Variants in PARVB observed in about 807,000 individuals in gnomAD.
PARVB encodes parvin beta.
In PARVB, 46 loss-of-function variants were observed where a neutral mutation model predicts 47.0. The observed-to-expected ratio is 0.98, with a 90% CI of 0.77 to 1.25. The LOEUF is 1.25. Ranked by LOEUF, PARVB falls within the 50% of genes most tolerant of loss-of-function variation. The probability of loss-of-function intolerance (pLI) is 0.00; values close to 1 mark genes in which losing one functional copy is unlikely to be tolerated. For missense variants in PARVB, 473 were observed against 471.6 expected, an observed-to-expected ratio of 1.00 and a Z score of -0.03; for synonymous variants, 196 against 196.3, an observed-to-expected ratio of 1.00 and a Z score of 0.01.
intron 12 of PARVB, among the ~76,000 whole-genome samples, chr22:44,167,541 C>T (rs1033089024): frequency 1.3e-5 from 2 of 152,016 alleles, no homozygotes; most frequent in Admixed American, 6.5e-5. Context: ...TGGCCCCCAC[C>T]CCTGGGAGCT....
chr22:44,089,305 C>G lies in PARVB; in HGVS notation c.113-4623C>G. 1 of 152,234 alleles carries G rather than the reference C, an allele frequency of 6.6e-6. No homozygotes were observed. 9.4% of individuals were successfully genotyped at this position (152,234 alleles called of 1,614,324 possible). ...AGAACAATGCAGACACTTAGGAAAA[C>G]AAGCACAAGGCGGTCTTTTTCCCTT... is the stretch of plus-strand genomic sequence containing the variant. On this transcript the variant is annotated intron_variant, in intron 1 of 12. Coordinates refer to ENST00000338758, the MANE Select transcript of PARVB (RefSeq NM_013327.5). The surrounding 1 kb of genome is among the most constrained non-coding windows in gnomAD (Gnocchi z 4.0).
At chr22:44,116,566 C>A (rs1328461056) in intron 3 of PARVB, among the ~76,000 whole-genome samples, 2 of 152,242 alleles carry the variant, frequency 1.3e-5, no homozygotes, top group Non-Finnish European at 2.9e-5. Flanking sequence ...CACATCCTTA[C>A]AGAGCTCTGG....
rs2146934303 is a variant in PARVB at position 44,049,114 on chromosome 22, C to T, written c.112+24663C>T. ...GGCTGGTGCCCTCTGTCCTGTGCCA[C>T]TTCCCCTGCAAAATGAGATGAAAAT... On this transcript the variant is annotated intron_variant, in intron 1 of 12. Transcript: ENST00000338758. The surrounding 1 kb of genome is among the most constrained non-coding windows in gnomAD (Gnocchi z 4.0). Among the ~76,000 whole-genome samples, 1 of 152,286 alleles carries T rather than the reference C, an allele frequency of 6.6e-6. No homozygotes were observed. The highest frequency in any genetic ancestry group is 1.5e-5 in the Non-Finnish European group (1 of 68,028).
chr22:44,041,627 T>C (rs1221912324), intron 1 of PARVB, among the ~76,000 whole-genome samples: 1 of 152,234 alleles, frequency 6.6e-6, no homozygotes, highest in Non-Finnish European at 1.5e-5. Flanking sequence ...TTCACGCCTG[T>C]AATCTCAGCA....
upstream of PARVB, among the ~76,000 whole-genome samples, chr22:44,019,813 TC>T (rs1603423459): frequency 2.0e-5 from 3 of 152,126 alleles, no homozygotes; most frequent in African/African-American, 7.2e-5. Flanking sequence ...CAGGCCCGAC[TC>T]CCAACACGGG....
intron 2 of PARVB, among the ~76,000 whole-genome samples, chr22:44,003,763 A>G (rs972692690): frequency 3.3e-5 from 5 of 152,202 alleles, no homozygotes; most frequent in African/African-American, 9.6e-5. Flanking sequence ...TTCCTCCAAC[A>G]TGGACATTGG....
rs1260733481 is a variant in PARVB, at chr22:44,147,844, T to C, written c.713-17T>C. ...TTCCATAAACGCTCCTTCGTGTCTCTCTTTGCATGTCCTCAGAGCGGGATG... is the reference window on the plus strand; with the variant it reads ...TTCCATAAACGCTCCTTCGTGTCTCCCTTTGCATGTCCTCAGAGCGGGATG... On this transcript the variant is annotated splice_polypyrimidine_tract_variant and intron_variant, in intron 8 of 12. Transcript: ENST00000338758. 2 of 1,612,994 alleles carry C rather than the reference T, an allele frequency of 1.2e-6. No individual in the cohort carries two copies. Among genetic ancestry groups the C allele is most frequent in the South Asian group, 1.1e-5 (1 of 91,064 alleles).
At chr22:44,112,621 C>T (rs956907504) in intron 3 of PARVB, 1 of 152,926 alleles carries the variant, frequency 6.5e-6, no homozygotes, top group South Asian at 2.1e-4. Context: ...CTCACTGCAT[C>T]CTTGACCTCC....
intron 1 of PARVB, among the ~76,000 whole-genome samples, chr22:44,076,316 C>T (rs1028070733): frequency 6.6e-6 from 1 of 152,238 alleles, no homozygotes; most frequent in Non-Finnish European, 1.5e-5. Flanking sequence ...AGGGCGGCCA[C>T]CCGCAGCCCT....
At chr22:44,107,418 A>G (rs979518747) in intron 3 of PARVB, 6 of 152,266 alleles carry the variant, frequency 3.9e-5, no homozygotes, top group African/African-American at 1.4e-4. Flanking sequence ...GGAGAAACCT[A>G]GACCTGGCCT....
intron 3 of PARVB, 65 bp downstream of exon 3, chr22:44,100,188 G>A: frequency 1.5e-6 from 2 of 1,294,378 alleles, no homozygotes; most frequent in South Asian, 1.2e-5. Context: ...GGGGTTCAGG[G>A]CTCTCATGGA....
chr22:44,132,873 C>G, intron 5 of PARVB, 21 bp from the exon 6 acceptor site: 2 of 1,557,908 alleles, frequency 1.3e-6, no homozygotes, highest in Non-Finnish European at 1.8e-6. Flanking sequence ...AAAGCGTCTC[C>G]CTTCCTCCTT....
intron 4 of PARVB, among the ~76,000 whole-genome samples, chr22:44,128,941 G>A (rs1392932130): frequency 6.6e-6 from 1 of 152,176 alleles, no homozygotes; most frequent in Admixed American, 6.5e-5. Flanking sequence ...ACCTGGGCGT[G>A]GTGGCACATG....
intron 3 of PARVB, among the ~76,000 whole-genome samples, chr22:44,118,510 G>A (rs748424010): frequency 1.3e-5 from 2 of 152,206 alleles, no homozygotes; most frequent in African/African-American, 2.4e-5. Flanking sequence ...TTGCTGTCCT[G>A]GGTTAGGGTG....
rs560440690 is a variant in PARVB, at chr22:44,069,555, T to C, written c.113-24373T>C. On this transcript the variant is annotated intron_variant, in intron 1 of 12. Transcript: ENST00000338758. ...TTTTTTTTTTCTCTCTGAGATGGAG[T>C]CTTGCTCTTGTCACCCAGGCTGGAG... 9.2e-4 allele frequency among the ~76,000 whole-genome samples: 139 copies of C among 151,238 alleles called. 1 individual carries two copies. Among genetic ancestry groups the C allele is most frequent in the Non-Finnish European group, 1.1e-3 (72 of 67,838 alleles).
chr22:44,081,652 C>G (rs1247111191), intron 1 of PARVB: 7 of 983,582 alleles, frequency 7.1e-6, no homozygotes, highest in Non-Finnish European at 6.0e-6. Flanking sequence ...CTGGCAGTCT[C>G]ATGGGGCTCG....
intron 4 of PARVB, among the ~76,000 whole-genome samples, chr22:44,130,497 A>T (rs1227686057): frequency 6.6e-6 from 1 of 152,196 alleles, no homozygotes; most frequent in Non-Finnish European, 1.5e-5. Flanking sequence ...GAAATGTGAC[A>T]GTTCTTGTCT....
intron 7 of PARVB, 46 bp downstream of exon 7, chr22:44,136,564 T>A: frequency 6.5e-7 from 1 of 1,531,796 alleles, no homozygotes; most frequent in Non-Finnish European, 9.0e-7. Flanking sequence ...CTGCCCCGAG[T>A]GAGTGGGACC....
intron 4 of PARVB, among the ~76,000 whole-genome samples, chr22:44,127,534 C>T (rs565911881): frequency 1.3e-5 from 2 of 152,160 alleles, no homozygotes; most frequent in African/African-American, 4.8e-5. Flanking sequence ...AAGGTCAAAG[C>T]CAACTTCTGT....
Sources: allele counts gnomAD v4.1 joint callset (sites outside exome capture counted in the v4.1 genomes callset), GRCh38; gene constraint gnomAD v4.1.1; non-coding constraint Gnocchi (gnomAD v3.1); transcripts MANE v1.5; gene names NCBI Gene and HGNC (gene_info 2026-07-23, HGNC 2026-07-21).